SLC16A6: variants seen among roughly 807,000 people sequenced by gnomAD.
SLC16A6 encodes monocarboxylate transporter 7.
In SLC16A6, 15 loss-of-function variants were observed where a neutral mutation model predicts 33.8. The ratio of observed to expected loss-of-function variants is 0.44; its 90% CI spans 0.30 to 0.68. The LOEUF is 0.68. Among genes scored for constraint, SLC16A6 ranks in the 30% least tolerant of loss-of-function variants. SLC16A6 has a pLI of 0.10. For missense variants in SLC16A6, 451 were observed against 661.5 expected, an observed-to-expected ratio of 0.68 and a Z score of 3.49; for synonymous variants, 219 against 248.4, an observed-to-expected ratio of 0.88 and a Z score of 1.11.
intron 1 of SLC16A6, among the ~76,000 whole-genome samples, chr17:68,281,169 A>G (rs1176213952): frequency 3.3e-5 from 5 of 152,032 alleles, no homozygotes; most frequent in Non-Finnish European, 7.4e-5. Flanking sequence ...ACAGAAGGGT[A>G]GACAATATTT....
chr17:68,281,334 T>C (rs557962692), intron 1 of SLC16A6, among the ~76,000 whole-genome samples: 41 of 152,108 alleles, frequency 2.7e-4, no homozygotes, highest in African/African-American at 9.4e-4. Context: ...TTTGGGAGCC[T>C]GAGGCAGGTG....
chr17:68,277,286 A>G (rs1555751260), intron 2 of SLC16A6, among the ~76,000 whole-genome samples: 2 of 151,902 alleles, frequency 1.3e-5, no homozygotes, highest in Admixed American at 6.6e-5. Context: ...ACATACCACC[A>G]TGCCCAGTTA....
At chr17:68,272,466 G>A (rs2075372748) in intron 4 of SLC16A6, among the ~76,000 whole-genome samples, 173 bp downstream of exon 4, 3 of 152,206 alleles carry the variant, frequency 2.0e-5, no homozygotes, top group Non-Finnish European at 2.9e-5. Context: ...AATACCTAAA[G>A]TGGGGGTTAG....
chr17:68,289,830 G>A (rs1173060569), intron 1 of SLC16A6, among the ~76,000 whole-genome samples: 2 of 152,118 alleles, frequency 1.3e-5, no homozygotes, highest in Non-Finnish European at 2.9e-5. Flanking sequence ...CAGGGTTAGT[G>A]GTACTCATTA....
chr17:68,276,711 C>G (rs1409871765), intron 2 of SLC16A6, among the ~76,000 whole-genome samples: 1 of 152,130 alleles, frequency 6.6e-6, no homozygotes, highest in Non-Finnish European at 1.5e-5. Context: ...ATCTTGGCCT[C>G]CCAGAGTGCT....
chr17:68,287,071 C>T lies in SLC16A6; in HGVS notation c.-8+4015G>A, dbSNP rs2075857715. On this transcript the variant is annotated intron_variant, in intron 1 of 5. Coordinates refer to ENST00000580666, the MANE Select transcript of SLC16A6 (RefSeq NM_004694.5). ...CAATCTCAGCTCACTGCAACCTCCACCTCCCGGGTTCAAGTGATTCTCCTG... is the reference window on the plus strand; with the variant it reads ...CAATCTCAGCTCACTGCAACCTCCATCTCCCGGGTTCAAGTGATTCTCCTG... 2.6e-5 allele frequency among the ~76,000 whole-genome samples: 4 copies of T among 152,214 alleles called. No individual in the cohort carries two copies. In the South Asian group the frequency reaches 8.3e-4, roughly 32 times the overall value.
At chr17:68,279,910 G>A (rs1420155368) in intron 1 of SLC16A6, among the ~76,000 whole-genome samples, 7 of 152,082 alleles carry the variant, frequency 4.6e-5, no homozygotes, top group South Asian at 4.1e-4. Flanking sequence ...GGCTGGGCGC[G>A]GTGGCTCACA....
rs1204129441 is a variant in SLC16A6, at chr17:68,267,280, T to C, written c.*1816A>G. On this transcript the variant is annotated 3_prime_UTR_variant, in exon 6 of 6. Transcript: ENST00000580666. ...TAGTAAAAAATATGTCGTAAAGTGC[T>C]GAAGTCATGTAAGTCTGCAAAACTG... is the stretch of plus-strand genomic sequence containing the variant. The C allele has an allele frequency of 6.6e-6, 1 of 152,250 alleles. No homozygotes were observed. The highest frequency in any genetic ancestry group is 1.9e-4 in the East Asian group (1 of 5,206). 9.4% of individuals were successfully genotyped at this position (152,250 alleles called of 1,614,324 possible).
chr17:68,272,785 A>G lies in SLC16A6; in HGVS notation c.377-18T>C. 6.2e-7 allele frequency: 1 copy of G among 1,613,412 alleles called. No homozygotes were observed. Among genetic ancestry groups the G allele is most frequent in the South Asian group, 1.1e-5 (1 of 90,992 alleles). ...TCCCAGACCTGTGAAAGAAAAGTCA[A>G]AAAAGCCAATGAGACCCACATACTG... On this transcript the variant is annotated intron_variant, in intron 3 of 5. Transcript: ENST00000580666.
Position 68,274,038 on chromosome 17 carries a change from C to G in SLC16A6, c.265G>C (p.Gly89Arg), listed in dbSNP as rs142630255. The change falls in exon 3 of 6, where the codon GGA (glycine) becomes CGA (arginine). Residue 89 changes from glycine to arginine, a missense_variant. Gly to Arg is a moderately radical substitution (Grantham distance 125). Transcript: ENST00000580666. The stretch of plus-strand genomic sequence containing the variant: ...CCCAACATCACTACCAGACGGTGTC[C>G]GAAACGATTGCTCAGGACTGTGGCG... ...PLATVLSNRF[G>R]HRLVVMLGGL... is the part of the protein sequence containing the mutation. 6.2e-7 allele frequency: 1 copy of G among 1,613,928 alleles called. No individual in the cohort carries two copies. The highest frequency in any genetic ancestry group is 8.5e-7 in the Non-Finnish European group (1 of 1,179,990).
chr17:68,281,217 T>C (rs188602105), intron 1 of SLC16A6, among the ~76,000 whole-genome samples: 12 of 151,312 alleles, frequency 7.9e-5, no homozygotes, highest in African/African-American at 2.7e-4. Context: ...ATAGCCAGAA[T>C]ATACAAGGAA....
intron 1 of SLC16A6, among the ~76,000 whole-genome samples, chr17:68,284,327 G>A (rs1413728191): frequency 5.3e-5 from 8 of 152,136 alleles, no homozygotes; most frequent in African/African-American, 1.9e-4. Flanking sequence ...CCGGGAGGCA[G>A]AGGTTGCAAT....
chr17:68,272,789 A>G (rs782498904), intron 3 of SLC16A6, 22 bp from the exon 4 acceptor site: 1 of 1,613,094 alleles, frequency 6.2e-7, no homozygotes, highest in Non-Finnish European at 8.5e-7. Flanking sequence ...AAGTCAAAAA[A>G]GCCAATGAGA....
At chr17:68,283,472 G>C (rs1188452120) in intron 1 of SLC16A6, among the ~76,000 whole-genome samples, 13 of 148,990 alleles carry the variant, frequency 8.7e-5, no homozygotes, top group African/African-American at 2.7e-4. Context: ...ATTGAGCCGA[G>C]ATCGCGCCAC....
At chr17:68,286,170 A>G (rs1168717157) in intron 1 of SLC16A6, among the ~76,000 whole-genome samples, 4 of 152,226 alleles carry the variant, frequency 2.6e-5, no homozygotes. Flanking sequence ...ATTACCTGCC[A>G]TCATGAGAAG....
In SLC16A6 at chr17:68,272,623, G is replaced by A. The variant is rs1317452309; in HGVS notation, c.505+16C>T. On this transcript the variant is annotated intron_variant, in intron 4 of 5. Coordinates refer to ENST00000580666, the MANE Select transcript of SLC16A6 (RefSeq NM_004694.5). ...TCTCATCCACATTCATACTTAGGCT[G>A]TTGTAGTCCACCTACCTGGTGCGAA... 1 of 1,613,064 alleles carries A rather than the reference G, an allele frequency of 6.2e-7. No individual in the cohort carries two copies. The highest frequency in any genetic ancestry group is 1.1e-5 in the South Asian group (1 of 91,040).
rs2075230206 is a variant in SLC16A6, at chr17:68,268,712, A to G, written c.*384T>C. 1 of 186,552 alleles carries G rather than the reference A, an allele frequency of 5.4e-6. No homozygotes were observed. The highest frequency in any genetic ancestry group is 2.4e-5 in the African/African-American group (1 of 42,358). The allele number at this position is 186,552 out of a possible 1,614,324, so 11.6% of individuals were successfully genotyped here. A position where few individuals can be genotyped will look rare whatever the true frequency, so the allele number is the denominator to read the frequency against. ...AGACAAGACCATAGGAAGAAAGAAAAGAAAAAAAGAAAATCATTTATCCCA... is the reference window on the plus strand; with the variant it reads ...AGACAAGACCATAGGAAGAAAGAAAGGAAAAAAAGAAAATCATTTATCCCA... On this transcript the variant is annotated 3_prime_UTR_variant, in exon 6 of 6. Coordinates refer to ENST00000580666, the MANE Select transcript of SLC16A6 (RefSeq NM_004694.5).
In SLC16A6 at chr17:68,268,609, T is replaced by C. The variant is rs1181142869; in HGVS notation, c.*487A>G. ...TTAGGAATTTTAAAAATGATTGAAG[T>C]CTTTTTTTTTTTGACTGGCCAATTT... On this transcript the variant is annotated 3_prime_UTR_variant, in exon 6 of 6. Transcript: ENST00000580666. 1 of 152,496 alleles carries C rather than the reference T, an allele frequency of 6.6e-6. No individual in the cohort carries two copies. The highest frequency in any genetic ancestry group is 1.5e-5 in the Non-Finnish European group (1 of 68,338). The allele number at this position is 152,496 out of a possible 1,614,324, so 9.4% of individuals were successfully genotyped here.
intron 2 of SLC16A6, among the ~76,000 whole-genome samples, chr17:68,277,531 G>A (rs1190620506): frequency 6.6e-6 from 1 of 152,156 alleles, no homozygotes; most frequent in East Asian, 1.9e-4. Context: ...CTGGGTTCAA[G>A]CAATTCTCGT....
Sources: allele counts gnomAD v4.1 joint callset (sites outside exome capture counted in the v4.1 genomes callset), GRCh38; gene constraint gnomAD v4.1.1; transcripts MANE v1.5; gene names NCBI Gene and HGNC (gene_info 2026-07-23, HGNC 2026-07-21).